Variants in GPC5 observed in about 807,000 individuals in gnomAD.
The protein encoded by GPC5 is glypican-5.
A neutral mutation model predicts 53.9 loss-of-function variants in GPC5; 47 were observed. That is an observed-to-expected ratio of 0.87 (90% CI 0.69 to 1.11). The LOEUF (loss-of-function observed/expected upper bound fraction) is 1.11. Ranked by LOEUF, GPC5 falls within the 50% of genes most tolerant of loss-of-function variation. The probability of loss-of-function intolerance (pLI) is 0.00; values close to 1 mark genes in which losing one functional copy is unlikely to be tolerated. For missense variants in GPC5, 748 were observed against 713.1 expected (o/e 1.05, Z -0.56); for synonymous variants, 286 against 263.3 (o/e 1.09, Z -0.84).
chr13:92,850,410 G>T (rs1282788295), intron 7 of GPC5, among the ~76,000 whole-genome samples: 1 of 152,122 alleles, frequency 6.6e-6, no homozygotes, highest in African/African-American at 2.4e-5. Flanking sequence ...GACCAGCATG[G>T]CCAACATGGT....
At chr13:92,397,480 C>T (rs1275692730) in intron 7 of GPC5, among the ~76,000 whole-genome samples, 2 of 152,206 alleles carry the variant, frequency 1.3e-5, no homozygotes, top group Admixed American at 6.5e-5. Context: ...TTATAAATTA[C>T]CCAGACTCAG....
chr13:92,298,607 G>GGT (rs901118472), intron 7 of GPC5, among the ~76,000 whole-genome samples: 5 of 152,150 alleles, frequency 3.3e-5, no homozygotes, highest in African/African-American at 1.2e-4. Flanking sequence ...TCCCCCTGGG[G>GGT]GTGTGTGTTC....
intron 7 of GPC5, among the ~76,000 whole-genome samples, chr13:92,490,929 T>C (rs1332662342): frequency 6.6e-6 from 1 of 152,056 alleles, no homozygotes; most frequent in Non-Finnish European, 1.5e-5. Flanking sequence ...TTGTAAAATT[T>C]ATACAGGAAT....
At chr13:92,716,334 T>G (rs1165144505) in intron 7 of GPC5, among the ~76,000 whole-genome samples, 1 of 152,110 alleles carries the variant, frequency 6.6e-6, no homozygotes, top group African/African-American at 2.4e-5. Context: ...TACAATTGAT[T>G]TCTTAATTTT....
At chr13:92,119,652 C>G (rs1594770804) in intron 6 of GPC5, among the ~76,000 whole-genome samples, 3 of 142,790 alleles carry the variant, frequency 2.1e-5, no homozygotes, top group Non-Finnish European at 3.0e-5. Flanking sequence ...GATCTCCTGA[C>G]CTCGTGATCC....
At chr13:92,299,890 T>C (rs2043063595) in intron 7 of GPC5, among the ~76,000 whole-genome samples, 1 of 152,202 alleles carries the variant, frequency 6.6e-6, no homozygotes. Flanking sequence ...ATTTTTACAA[T>C]ATGCAAATTA....
intron 2 of GPC5, among the ~76,000 whole-genome samples, chr13:91,589,816 A>G (rs2032730652): frequency 6.6e-6 from 1 of 152,168 alleles, no homozygotes. Context: ...ATGCGTGATT[A>G]GACTCAAAGA....
chr13:92,640,284 G>C (rs1052864852), intron 7 of GPC5, among the ~76,000 whole-genome samples: 1 of 152,022 alleles, frequency 6.6e-6, no homozygotes, highest in Non-Finnish European at 1.5e-5. Flanking sequence ...GTTTGAGACT[G>C]AGTCTTGCTC....
At chr13:92,521,614 AC>A (rs1274216328) in intron 7 of GPC5, among the ~76,000 whole-genome samples, 2 of 152,234 alleles carry the variant, frequency 1.3e-5, no homozygotes, top group African/African-American at 4.8e-5. Flanking sequence ...CACACCTTAT[AC>A]AAAAATCAAT....
chr13:91,894,527 A>T (rs1375303192), intron 5 of GPC5, among the ~76,000 whole-genome samples: 1 of 152,204 alleles, frequency 6.6e-6, no homozygotes, highest in Non-Finnish European at 1.5e-5. Context: ...GGCATGCCTT[A>T]CTATTTAAGA....
chr13:91,511,981 T>C (rs1885253920), intron 2 of GPC5, among the ~76,000 whole-genome samples: 1 of 152,118 alleles, frequency 6.6e-6, no homozygotes, highest in Admixed American at 6.5e-5. Context: ...AAGGAGAATA[T>C]CCCTTCTCCA....
intron 6 of GPC5, among the ~76,000 whole-genome samples, chr13:91,938,817 G>A (rs571782679): frequency 7.9e-5 from 12 of 152,096 alleles, no homozygotes; most frequent in African/African-American, 2.4e-4. Flanking sequence ...AATACATATT[G>A]GTATACATTG....
At chr13:92,158,629 C>G (rs1291170623) in intron 7 of GPC5, among the ~76,000 whole-genome samples, 1 of 152,066 alleles carries the variant, frequency 6.6e-6, no homozygotes, top group African/African-American at 2.4e-5. Context: ...GCCTTTACTT[C>G]TAAATTTCTT....
At chr13:91,759,655 C>A (rs943463683) in intron 5 of GPC5, among the ~76,000 whole-genome samples, 1 of 152,056 alleles carries the variant, frequency 6.6e-6, no homozygotes, top group East Asian at 1.9e-4. Context: ...GCTTATTTCA[C>A]TCAACATAAT....
At chr13:91,640,825 C>T (rs554130824) in intron 2 of GPC5, among the ~76,000 whole-genome samples, 18 of 151,176 alleles carry the variant, frequency 1.2e-4, no homozygotes, top group Non-Finnish European at 2.2e-4. Flanking sequence ...TACATGCACA[C>T]ACGTATGTTC....
chr13:92,164,986 C>T (rs1262978749), intron 7 of GPC5, among the ~76,000 whole-genome samples: 17 of 152,230 alleles, frequency 1.1e-4, no homozygotes, highest in Admixed American at 1.1e-3. Flanking sequence ...AGCTGGGAGA[C>T]AGGAAACCAA....
At chr13:91,649,978 A>C (rs1018236431) in intron 2 of GPC5, among the ~76,000 whole-genome samples, 1 of 151,880 alleles carries the variant, frequency 6.6e-6, no homozygotes, top group East Asian at 1.9e-4. Context: ...AAAATGGCAC[A>C]TAGAGTCCCA....
At chr13:91,787,975 C>T (rs1488324904) in intron 5 of GPC5, among the ~76,000 whole-genome samples, 1 of 152,010 alleles carries the variant, frequency 6.6e-6, no homozygotes, top group African/African-American at 2.4e-5. Context: ...TAATTTTAAC[C>T]ATTTTATCTC....
intron 7 of GPC5, among the ~76,000 whole-genome samples, chr13:92,777,963 A>T (rs1054286196): frequency 6.6e-6 from 1 of 152,202 alleles, no homozygotes; most frequent in African/African-American, 2.4e-5. Flanking sequence ...TCCTTTGGAA[A>T]TGGTACACAC....
Sources: gnomAD v4.1 joint callset for allele counts (sites outside exome capture counted in the v4.1 genomes callset) on GRCh38, gnomAD v4.1.1 for gene constraint, MANE v1.5 for transcripts, NCBI Gene and HGNC (gene_info 2026-07-23, HGNC 2026-07-21) for gene names.